CACNA1C: variants seen among roughly 807,000 people sequenced by gnomAD.
The protein encoded by CACNA1C is calcium voltage-gated channel subunit alpha1 C.
In CACNA1C, 30 loss-of-function variants were observed where a neutral mutation model predicts 229.0. That is an observed-to-expected ratio of 0.13 (90% CI 0.10 to 0.18). CACNA1C has a LOEUF of 0.18. Ranked by LOEUF, CACNA1C falls within the 10% of genes least tolerant of loss-of-function variation. The pLI is 1.00. For synonymous variants in CACNA1C, 1,114 were observed against 1,132.5 expected (o/e 0.98, Z 0.33); for missense variants, 1,658 against 2,845.0 (o/e 0.58, Z 9.49).
intron 1 of CACNA1C, among the ~76,000 whole-genome samples, chr12:1,998,900 C>G (rs527932717): frequency 6.6e-6 from 1 of 152,268 alleles, no homozygotes; most frequent in Admixed American, 6.5e-5. Context: ...CATAATCATT[C>G]AAAATTTAAG....
At chr12:1,996,725 G>A (rs1284453179) in intron 1 of CACNA1C, among the ~76,000 whole-genome samples, 1 of 147,898 alleles carries the variant, frequency 6.8e-6, no homozygotes, top group Non-Finnish European at 1.5e-5. Context: ...GCCATCTTGG[G>A]CCACGTGTCC....
chr12:2,256,499 T>C (rs2077911352), intron 3 of CACNA1C, among the ~76,000 whole-genome samples: 1 of 152,218 alleles, frequency 6.6e-6, no homozygotes, highest in African/African-American at 2.4e-5. Flanking sequence ...AGCTTCATGC[T>C]GTTTGGAAAA....
chr12:2,631,230 C>T (rs2090249120), intron 29 of CACNA1C, among the ~76,000 whole-genome samples: 1 of 152,178 alleles, frequency 6.6e-6, no homozygotes, highest in Admixed American at 6.5e-5. Flanking sequence ...AAGATTCCAA[C>T]TCATCCTCCT....
intron 6 of CACNA1C, among the ~76,000 whole-genome samples, chr12:2,491,089 A>G (rs2099725394): frequency 6.6e-6 from 1 of 152,228 alleles, no homozygotes; most frequent in Non-Finnish European, 1.5e-5. Context: ...GCACGGATGA[A>G]ACTCAAAACA....
intron 25 of CACNA1C, among the ~76,000 whole-genome samples, 157 bp downstream of exon 25, chr12:2,606,820 T>G (rs371751663): frequency 1.3e-5 from 2 of 152,314 alleles, no homozygotes; most frequent in South Asian, 4.1e-4. Flanking sequence ...ATGTGTAGCA[T>G]TTTTTGTTCC....
chr12:2,080,363 A>G (rs1194160587), intron 1 of CACNA1C, among the ~76,000 whole-genome samples: 1 of 152,214 alleles, frequency 6.6e-6, no homozygotes, highest in East Asian at 1.9e-4. Context: ...GCACTTTGAG[A>G]AGCTGAGGCG....
rs1000581607 is a variant in CACNA1C at position 2,488,771 on chromosome 12, G to C, written c.916+2509G>C. ...CTCATTCGCTGGAGTCAGAGTCCCT[G>C]CTGGGAAGAGGGGCCCAGGACACAG... On this transcript the variant is annotated intron_variant, in intron 6 of 46. Coordinates refer to ENST00000399655, the MANE Select transcript of CACNA1C (RefSeq NM_000719.7). The surrounding 1 kb of genome is among the most constrained non-coding windows in gnomAD (Gnocchi z 4.0). Among the ~76,000 whole-genome samples, 6 of 152,186 alleles carry C rather than the reference G, an allele frequency of 3.9e-5. No individual in the cohort carries two copies. The highest frequency in any genetic ancestry group is 2.0e-4 in the Admixed American group (3 of 15,282).
Position 2,059,056 on chromosome 12 carries a change from C to T in CACNA1C, c.49+5445C>T, listed in dbSNP as rs541766526. Reference sequence around the variant, plus strand: ...GAAGTGGATGCATTCTCTACTGCCCCCTTTCCCCTGCCGAATTCAGGCAGG... The same window carrying T: ...GAAGTGGATGCATTCTCTACTGCCCTCTTTCCCCTGCCGAATTCAGGCAGG... On this transcript the variant is annotated intron_variant, in intron 1 of 46. Transcript: ENST00000399655. Among the ~76,000 whole-genome samples the T allele has an allele frequency of 3.9e-5, 6 of 152,266 alleles. No individual in the cohort carries two copies. In the South Asian group the frequency reaches 1.0e-3, roughly 26 times the overall value.
intron 5 of CACNA1C, among the ~76,000 whole-genome samples, chr12:2,480,635 C>G (rs1414129432): frequency 2.0e-5 from 3 of 152,192 alleles, no homozygotes; most frequent in Non-Finnish European, 4.4e-5. Context: ...AGTCCTCTTC[C>G]TGTCATGGCA....
In CACNA1C at chr12:2,319,357, G is replaced by A. The variant is rs2095854672; in HGVS notation, c.478-129619G>A. Among the ~76,000 whole-genome samples the A allele has an allele frequency of 6.6e-6, 1 of 152,026 alleles. No homozygotes were observed. On this transcript the variant is annotated intron_variant, in intron 3 of 46. Transcript: ENST00000399655. The surrounding 1 kb of genome is among the most constrained non-coding windows in gnomAD (Gnocchi z 4.0). ...TGGGCAACATACATGGGGGCAGTGT[G>A]CTTGGTAGGCAGCGTACCTGATGGG... is the stretch of plus-strand genomic sequence containing the variant.
chr12:2,220,747 T>C (rs570930456), intron 3 of CACNA1C: 1 of 152,372 alleles, frequency 6.6e-6, no homozygotes, highest in South Asian at 2.1e-4. Flanking sequence ...TCCTTTTTCC[T>C]GTGCATTCAT....
chr12:2,233,784 A>C (rs974024393), intron 3 of CACNA1C, among the ~76,000 whole-genome samples: 2 of 152,088 alleles, frequency 1.3e-5, no homozygotes, highest in Non-Finnish European at 2.9e-5. Flanking sequence ...TCCCTCTCCT[A>C]TGGGGTTGGG....
chr12:2,573,420 A>C (rs866014770), intron 13 of CACNA1C, among the ~76,000 whole-genome samples: 1 of 152,364 alleles, frequency 6.6e-6, no homozygotes, highest in South Asian at 2.1e-4. Flanking sequence ...AAAACACATC[A>C]AGGTAAGAAC....
rs1029867593 is a variant in CACNA1C at position 2,565,336 on chromosome 12, G to A, written c.1509-1086G>A. On this transcript the variant is annotated intron_variant, in intron 11 of 46. Coordinates refer to ENST00000399655, the MANE Select transcript of CACNA1C (RefSeq NM_000719.7). Reference sequence around the variant, plus strand: ...CAAAAAATTAGCCGGGCGCGGTGGCGGGCGCCTGTAGTCCCAGCTACTCGG... The same window carrying A: ...CAAAAAATTAGCCGGGCGCGGTGGCAGGCGCCTGTAGTCCCAGCTACTCGG... Among the ~76,000 whole-genome samples the A allele has an allele frequency of 5.1e-4, 77 of 151,656 alleles. 1 individual carries two copies. The highest frequency in any genetic ancestry group is 1.3e-3 in the Admixed American group (20 of 15,248).
chr12:2,624,188 G>A (rs2084971701), intron 29 of CACNA1C, among the ~76,000 whole-genome samples: 1 of 152,194 alleles, frequency 6.6e-6, no homozygotes, highest in African/African-American at 2.4e-5. Context: ...CAGACCTAGT[G>A]TTCTACAGAA....
chr12:2,505,739 C>T (rs755525509), intron 8 of CACNA1C, among the ~76,000 whole-genome samples: 71 of 152,142 alleles, frequency 4.7e-4, no homozygotes, highest in Admixed American at 8.5e-4. Flanking sequence ...AGGATATTTC[C>T]TCAACCCACT....
intron 29 of CACNA1C, among the ~76,000 whole-genome samples, chr12:2,616,835 C>T (rs925890739): frequency 6.6e-6 from 1 of 152,232 alleles, no homozygotes; most frequent in South Asian, 2.1e-4. Flanking sequence ...GTGGAGGCAG[C>T]CTCCTCACCA....
chr12:2,076,820 A>C (rs1423506818), intron 1 of CACNA1C, among the ~76,000 whole-genome samples: 4 of 152,220 alleles, frequency 2.6e-5, no homozygotes, highest in African/African-American at 9.7e-5. Flanking sequence ...AAGGCCCGGG[A>C]GACCTCTGGC....
chr12:2,326,130 G>T (rs1211763877), intron 3 of CACNA1C, among the ~76,000 whole-genome samples: 4 of 152,164 alleles, frequency 2.6e-5, no homozygotes, highest in African/African-American at 9.7e-5. Flanking sequence ...GCTTTTGAGG[G>T]GTGGACTAAA....
Sources: allele counts gnomAD v4.1 joint callset (sites outside exome capture counted in the v4.1 genomes callset), GRCh38; gene constraint gnomAD v4.1.1; non-coding constraint Gnocchi (gnomAD v3.1); transcripts MANE v1.5; gene names NCBI Gene and HGNC (gene_info 2026-07-23, HGNC 2026-07-21).